The following LRRC38 variants were observed in gnomAD, a reference collection of about 807,000 sequenced individuals.
LRRC38 encodes leucine-rich repeat-containing protein 38.
Under a neutral mutation model 16.4 loss-of-function variants are expected in LRRC38, and 5 were observed. The ratio of observed to expected loss-of-function variants is 0.31; its 90% CI spans 0.16 to 0.64. The LOEUF is 0.64. LRRC38 is among the 30% of genes least tolerant of loss of function. LRRC38 has a pLI of 0.80. For missense variants in LRRC38, 341 were observed against 401.8 expected (o/e 0.85, Z 1.29); for synonymous variants, 191 against 190.2 (o/e 1.00, Z -0.04).
Position 13,475,860 on chromosome 1 carries a change from C to T in LRRC38, c.871G>A (p.Asp291Asn), listed in dbSNP as rs1369664576. 1.3e-6 allele frequency: 2 copies of T among 1,549,814 alleles called. No individual in the cohort carries two copies. ...GAGGAGGTGGCTCAGTCATCCTTGT[C>T]CTCGTCTTCATCCTCCGCATCTTTG... ...PNKDAEDEDE[D>N]KDD is the part of the protein sequence containing the mutation. The change falls in exon 2 of 2, where the codon GAC (aspartate) becomes AAC (asparagine). Residue 291 changes from aspartate (D) to asparagine (N), a missense_variant. By Grantham distance (23) the Asp-to-Asn change is conservative. Coordinates refer to ENST00000376085, the MANE Select transcript of LRRC38 (RefSeq NM_001010847.2). This position sits in a 1 kb window ranked among gnomAD's most constrained non-coding sequence, Gnocchi z 4.3.
chr1:13,477,070 A>C (rs770603829), intron 1 of LRRC38, among the ~76,000 whole-genome samples: 3 of 152,022 alleles, frequency 2.0e-5, no homozygotes, highest in Non-Finnish European at 4.4e-5. Flanking sequence ...GCCCCACTGC[A>C]CTCTAGACTG....
At chr1:13,481,558 A>AT (rs571916360) in intron 1 of LRRC38, among the ~76,000 whole-genome samples, 1,930 of 150,682 alleles carry the variant, frequency 0.013, 16 homozygotes, top group South Asian at 0.033. Flanking sequence ...CGCCCGGCTA[A>AT]TTTTTTTTGT....
chr1:13,491,603 C>T (rs1187262402), intron 1 of LRRC38, among the ~76,000 whole-genome samples: 1 of 152,170 alleles, frequency 6.6e-6, no homozygotes, highest in Non-Finnish European at 1.5e-5. Flanking sequence ...AAGGTAGCTT[C>T]ATGCTAGAGA....
intron 1 of LRRC38, among the ~76,000 whole-genome samples, chr1:13,496,610 C>T (rs764258552): frequency 2.0e-5 from 3 of 152,234 alleles, no homozygotes; most frequent in African/African-American, 4.8e-5. Flanking sequence ...CCTCCCTTTG[C>T]CTTGGCTCAG....
At chr1:13,482,946 C>A (rs548857976) in intron 1 of LRRC38, among the ~76,000 whole-genome samples, 152 of 152,208 alleles carry the variant, frequency 1.0e-3, no homozygotes, top group African/African-American at 3.6e-3. Context: ...AACTGAAGCA[C>A]AGAGAGGGCA....
At chr1:13,494,726 A>AGCTTCTCACTAGTTCGCTGT (rs1553135973) in intron 1 of LRRC38, among the ~76,000 whole-genome samples, 6 of 152,190 alleles carry the variant, frequency 3.9e-5, no homozygotes, top group African/African-American at 1.4e-4. Context: ...CTCTTGCCTC[A>AGCTTCTCACTAGTTCGCTGT]GCTTCTCACT....
At chr1:13,502,232 C>T (rs916015328) in intron 1 of LRRC38, among the ~76,000 whole-genome samples, 5 of 151,872 alleles carry the variant, frequency 3.3e-5, no homozygotes, top group South Asian at 2.1e-4. Flanking sequence ...TGAGCCACCG[C>T]ACCCGGCCAA....
Position 13,500,087 on chromosome 1 carries a change from C to T in LRRC38, c.631+12876G>A, listed in dbSNP as rs539077100. Among the ~76,000 whole-genome samples, 15 of 152,030 alleles carry T rather than the reference C, an allele frequency of 9.9e-5. No individual in the cohort carries two copies. In the South Asian group the frequency reaches 1.9e-3, roughly 19 times the overall value. ...CCAGCATGGAGAAACCCCGTCTCTA[C>T]TAAAACTACAAAAATTAGCCGGGCT... is the stretch of plus-strand genomic sequence containing the variant. On this transcript the variant is annotated intron_variant, in intron 1 of 1. Transcript: ENST00000376085.
intron 1 of LRRC38, among the ~76,000 whole-genome samples, chr1:13,495,922 C>T (rs1639074751): frequency 6.6e-6 from 1 of 152,184 alleles, no homozygotes; most frequent in African/African-American, 2.4e-5. Context: ...TTCCAAGTCT[C>T]TACTTTTGAG....
intron 1 of LRRC38, among the ~76,000 whole-genome samples, chr1:13,477,168 C>T (rs1464018927): frequency 2.0e-5 from 3 of 152,160 alleles, no homozygotes; most frequent in Non-Finnish European, 4.4e-5. Flanking sequence ...TTGTACTTCT[C>T]CTGGGCCAAC....
At chr1:13,476,477 C>T (rs1203040088) in intron 1 of LRRC38, among the ~76,000 whole-genome samples, 1 of 152,096 alleles carries the variant, frequency 6.6e-6, no homozygotes, top group African/African-American at 2.4e-5. Flanking sequence ...TACAGGTGTG[C>T]ACCGCCACAC....
intron 1 of LRRC38, among the ~76,000 whole-genome samples, chr1:13,490,032 T>C (rs922477520): frequency 2.6e-5 from 4 of 152,132 alleles, no homozygotes; most frequent in African/African-American, 7.2e-5. Flanking sequence ...CCACCCCTCA[T>C]CTTAAAACAC....
chr1:13,511,317 T>G (rs569598224), intron 1 of LRRC38, among the ~76,000 whole-genome samples: 74 of 152,032 alleles, frequency 4.9e-4, no homozygotes, highest in Non-Finnish European at 9.4e-4. Flanking sequence ...AAAACTGGAG[T>G]GACCCACCCA....
rs977290476 is a variant in LRRC38, at chr1:13,507,240, T to C, written c.631+5723A>G. On this transcript the variant is annotated intron_variant, in intron 1 of 1. Coordinates refer to ENST00000376085, the MANE Select transcript of LRRC38 (RefSeq NM_001010847.2). ...CCCACAAGAGCTGGCACCTGGTTCC[T>C]GGACACTGGTAATGGTGAGAAAGGT... 3.1e-4 allele frequency among the ~76,000 whole-genome samples: 47 copies of C among 152,168 alleles called. 1 individual carries two copies. The highest frequency in any genetic ancestry group is 1.5e-5 in the Non-Finnish European group (1 of 68,034).
chr1:13,503,754 G>GTCCTCC (rs2100518632), intron 1 of LRRC38, among the ~76,000 whole-genome samples: 2 of 152,312 alleles, frequency 1.3e-5, no homozygotes, highest in East Asian at 3.9e-4. Context: ...GGACCCACTG[G>GTCCTCC]GAGCTAATGT....
chr1:13,500,837 T>G (rs1272287544), intron 1 of LRRC38, among the ~76,000 whole-genome samples: 2 of 152,164 alleles, frequency 1.3e-5, no homozygotes, highest in Non-Finnish European at 2.9e-5. Flanking sequence ...AAAGAGAAAT[T>G]TTAAATGATA....
chr1:13,476,212 A>G, intron 1 of LRRC38, 113 bp from the exon 2 acceptor site: 1 of 985,488 alleles, frequency 1.0e-6, no homozygotes, highest in Non-Finnish European at 1.5e-6. Context: ...CCTCCCAAAA[A>G]TAAAAGGGGG....
intron 1 of LRRC38, among the ~76,000 whole-genome samples, chr1:13,491,320 T>C (rs1054900005): frequency 2.0e-4 from 31 of 152,292 alleles, no homozygotes; most frequent in African/African-American, 7.2e-4. Context: ...TTAAATCCAG[T>C]TCAAAATTTT....
intron 1 of LRRC38, among the ~76,000 whole-genome samples, chr1:13,498,662 CA>C (rs750176620): frequency 1.3e-5 from 2 of 152,016 alleles, no homozygotes; most frequent in African/African-American, 4.8e-5. Flanking sequence ...ACCAAATAAA[CA>C]AAAAAACCTA....
Sources: allele counts gnomAD v4.1 joint callset (sites outside exome capture counted in the v4.1 genomes callset), GRCh38; gene constraint gnomAD v4.1.1; non-coding constraint Gnocchi (gnomAD v3.1); transcripts MANE v1.5; gene names NCBI Gene and HGNC (gene_info 2026-07-23, HGNC 2026-07-21).